The following RFX3 variants were observed in gnomAD, a reference collection of about 807,000 sequenced individuals.
RFX3 encodes regulatory factor X3.
A neutral mutation model predicts 98.6 loss-of-function variants in RFX3; 14 were observed. The ratio of observed to expected loss-of-function variants is 0.14; its 90% CI spans 0.09 to 0.22. The LOEUF (loss-of-function observed/expected upper bound fraction) is 0.22. Among genes scored for constraint, RFX3 ranks in the 10% least tolerant of loss-of-function variants. RFX3 has a pLI of 1.00. For synonymous variants in RFX3, 383 were observed against 328.4 expected (o/e 1.17, Z -1.80); for missense variants, 639 against 926.9 (o/e 0.69, Z 4.03).
intron 1 of RFX3, among the ~76,000 whole-genome samples, chr9:3,465,541 T>C (rs1168268688): frequency 6.7e-6 from 1 of 149,796 alleles, no homozygotes; most frequent in African/African-American, 2.5e-5. Flanking sequence ...CGACCTTAGG[T>C]GATCCACCTG....
intron 1 of RFX3, among the ~76,000 whole-genome samples, chr9:3,408,713 A>G (rs1842197999): frequency 6.6e-6 from 1 of 152,066 alleles, no homozygotes; most frequent in Admixed American, 6.6e-5. Flanking sequence ...TACATCACAC[A>G]TGCACACGCA....
At chr9:3,465,097 C>T (rs1564135617) in intron 1 of RFX3, among the ~76,000 whole-genome samples, 1 of 152,022 alleles carries the variant, frequency 6.6e-6, no homozygotes, top group Non-Finnish European at 1.5e-5. Context: ...ATCACTAACT[C>T]ATAACAATAT....
intron 5 of RFX3, 141 bp from the exon 6 acceptor site, chr9:3,293,399 A>C: frequency 1.7e-6 from 1 of 582,708 alleles, no homozygotes; most frequent in Non-Finnish European, 2.9e-6. Context: ...ATAATTCAGA[A>C]GGTGGTAATC....
At chr9:3,284,381 C>T (rs946826597) in intron 7 of RFX3, among the ~76,000 whole-genome samples, 1 of 151,620 alleles carries the variant, frequency 6.6e-6, no homozygotes, top group East Asian at 1.9e-4. Flanking sequence ...TTAGGGTAAA[C>T]AAATTAGTCT....
rs182712478 is a variant in RFX3, at chr9:3,508,646, G to T, written c.-9+17101C>A. ...GTTGAAGGTGAGGCTAAATCCAAAG[G>T]GAACAGTTTTACAAGAAGGTTTATC... is the stretch of plus-strand genomic sequence containing the variant. On this transcript the variant is annotated intron_variant, in intron 1 of 16. Coordinates refer to ENST00000617270, the MANE Select transcript of RFX3 (RefSeq NM_001282116.2). Among the ~76,000 whole-genome samples the T allele has an allele frequency of 1.7e-4, 26 of 151,900 alleles. No homozygotes were observed. In the East Asian group the frequency reaches 5.0e-3, roughly 29 times the overall value.
At chr9:3,226,816 G>A (rs1817832233) in intron 16 of RFX3, among the ~76,000 whole-genome samples, 1 of 152,124 alleles carries the variant, frequency 6.6e-6, no homozygotes, top group Non-Finnish European at 1.5e-5. Flanking sequence ...TGTCTGTAAG[G>A]ATCTTAACAC....
intron 2 of RFX3, among the ~76,000 whole-genome samples, chr9:3,371,580 A>G (rs1260937986): frequency 2.0e-5 from 3 of 152,260 alleles, no homozygotes; most frequent in Admixed American, 1.3e-4. Flanking sequence ...ATTATATAAG[A>G]CTTCTTTTCA....
intron 7 of RFX3, among the ~76,000 whole-genome samples, chr9:3,284,323 C>T (rs1448542266): frequency 6.6e-6 from 1 of 151,618 alleles, no homozygotes; most frequent in South Asian, 2.1e-4. Flanking sequence ...GTGGAAATTA[C>T]TGATGTCCTT....
At chr9:3,280,939 AC>A (rs1825846669) in intron 7 of RFX3, among the ~76,000 whole-genome samples, 1 of 151,932 alleles carries the variant, frequency 6.6e-6, no homozygotes, top group Non-Finnish European at 1.5e-5. Context: ...TTAATTTTTA[AC>A]TTTTCTCAAT....
chr9:3,470,090 T>C (rs1414982329), intron 1 of RFX3, among the ~76,000 whole-genome samples: 1 of 152,120 alleles, frequency 6.6e-6, no homozygotes, highest in African/African-American at 2.4e-5. Flanking sequence ...CAAAGAATGA[T>C]ATGTAAAAAT....
At chr9:3,304,285 G>T (rs571762824) in intron 4 of RFX3, among the ~76,000 whole-genome samples, 1 of 151,856 alleles carries the variant, frequency 6.6e-6, no homozygotes, top group East Asian at 1.9e-4. Context: ...CTCATGAAAG[G>T]ATCATAGCCC....
In RFX3 at chr9:3,513,677, T is replaced by C. The variant is rs1025432475; in HGVS notation, c.-9+12070A>G. On this transcript the variant is annotated intron_variant, in intron 1 of 16. Transcript: ENST00000617270. ...ACTGGAAGTGAGTGTTGCATCAGGA[T>C]CGCTACAATTACCTCCTCTCACAAA... Among the ~76,000 whole-genome samples, 11 of 152,340 alleles carry C rather than the reference T, an allele frequency of 7.2e-5. 1 individual carries two copies. The highest frequency in any genetic ancestry group is 2.6e-4 in the African/African-American group (11 of 41,578).
intron 4 of RFX3, among the ~76,000 whole-genome samples, chr9:3,302,638 A>G (rs1002530987): frequency 2.0e-5 from 3 of 151,860 alleles, no homozygotes; most frequent in African/African-American, 7.2e-5. Context: ...AAATATTTAG[A>G]GCTTTAAAAC....
intron 1 of RFX3, among the ~76,000 whole-genome samples, chr9:3,519,467 G>T (rs1209858784): frequency 6.6e-6 from 1 of 152,152 alleles, no homozygotes; most frequent in East Asian, 1.9e-4. Context: ...ATTAGAATAG[G>T]TATTTTCTCA....
chr9:3,315,251 G>A (rs560713484), intron 4 of RFX3, among the ~76,000 whole-genome samples: 5 of 151,708 alleles, frequency 3.3e-5, no homozygotes, highest in Admixed American at 2.6e-4. Context: ...CATGGAAACT[G>A]AACAACCTGC....
intron 1 of RFX3, chr9:3,400,163 T>C: frequency 4.0e-6 from 3 of 744,332 alleles, no homozygotes; most frequent in Non-Finnish European, 4.9e-6. Context: ...GGCCCAGAGA[T>C]GTTACATCAC....
At chr9:3,465,315 G>A (rs1251973266) in intron 1 of RFX3, among the ~76,000 whole-genome samples, 1 of 151,780 alleles carries the variant, frequency 6.6e-6, no homozygotes, top group Non-Finnish European at 1.5e-5. Flanking sequence ...TTTTGAAACA[G>A]AGTCTCACTC....
At chr9:3,290,501 G>T (rs1258277306) in intron 6 of RFX3, among the ~76,000 whole-genome samples, 2 of 152,002 alleles carry the variant, frequency 1.3e-5, no homozygotes. Context: ...ATATTGGCAC[G>T]GTATGCATAA....
intron 11 of RFX3, among the ~76,000 whole-genome samples, chr9:3,270,027 T>G (rs780926591): frequency 3.5e-5 from 5 of 144,126 alleles, no homozygotes; most frequent in Non-Finnish European, 7.4e-5. Flanking sequence ...GGCTGTTATA[T>G]CTACAGGTTG....
Sources: allele counts gnomAD v4.1 joint callset (sites outside exome capture counted in the v4.1 genomes callset), GRCh38; gene constraint gnomAD v4.1.1; transcripts MANE v1.5; gene names NCBI Gene and HGNC (gene_info 2026-07-23, HGNC 2026-07-21).